EOGT: variants seen among roughly 807,000 people sequenced by gnomAD.
The protein encoded by EOGT is EGF domain-specific O-linked N-acetylglucosamine transferase.
EOGT carries 55 observed loss-of-function variants against 70.5 expected under a neutral mutation model. The ratio of observed to expected loss-of-function variants is 0.78; its 90% CI spans 0.63 to 0.98. EOGT has a LOEUF of 0.98. EOGT is among the 50% of genes least tolerant of loss of function. The pLI is 0.00. For synonymous variants in EOGT, 246 were observed against 217.1 expected, an observed-to-expected ratio of 1.13 and a Z score of -1.17; for missense variants, 703 against 641.9, an observed-to-expected ratio of 1.10 and a Z score of -1.03.
Position 69,004,494 on chromosome 3 carries a change from CA to C in EOGT, c.516-13del, listed in dbSNP as rs1319169956. The C allele has an allele frequency of 6.3e-7, 1 of 1,588,026 alleles. No homozygotes were observed. Among genetic ancestry groups the C allele is most frequent in the East Asian group, 2.2e-5 (1 of 44,720 alleles). ...AGTCCTCCTTAAATCTGGTATATAA[CA>C]AAACATTAAGTTAAGTTCAGAAAAC... On this transcript the variant is annotated splice_polypyrimidine_tract_variant and intron_variant, in intron 7 of 17. Transcript: ENST00000383701.
At chr3:68,987,133 A>G (rs2090834024) in intron 14 of EOGT, among the ~76,000 whole-genome samples, 1 of 152,250 alleles carries the variant, frequency 6.6e-6, no homozygotes, top group Admixed American at 6.5e-5. Context: ...TATGCAAAAG[A>G]AAGTCTTACA....
At chr3:68,992,745 C>T (rs1197046727) in intron 10 of EOGT, among the ~76,000 whole-genome samples, 2 of 152,328 alleles carry the variant, frequency 1.3e-5, no homozygotes, top group African/African-American at 2.4e-5. Context: ...ATGAGAGCCC[C>T]GCCCCTGCAG....
chr3:69,011,549 C>T (rs1263436865), intron 3 of EOGT, among the ~76,000 whole-genome samples: 1 of 148,170 alleles, frequency 6.7e-6, no homozygotes, highest in East Asian at 2.0e-4. Context: ...GAGTCGTGAT[C>T]TCGCCACTGC....
chr3:68,978,888 C>T (rs1008719883), intron 16 of EOGT, among the ~76,000 whole-genome samples: 98 of 152,174 alleles, frequency 6.4e-4, no homozygotes, highest in Non-Finnish European at 9.6e-4. Flanking sequence ...CCTTCCTTCT[C>T]TCTCTATAAG....
chr3:68,985,010 T>C (rs577531590), intron 14 of EOGT, among the ~76,000 whole-genome samples: 7 of 152,322 alleles, frequency 4.6e-5, no homozygotes, highest in African/African-American at 1.7e-4. Context: ...TTTTAACCAC[T>C]GAGCCTCAGT....
chr3:68,980,249 T>C (rs2090600658), intron 15 of EOGT, among the ~76,000 whole-genome samples: 1 of 152,226 alleles, frequency 6.6e-6, no homozygotes, highest in African/African-American at 2.4e-5. Context: ...TTAAAAACTA[T>C]TTCCTTAGGA....
chr3:68,983,858 G>A (rs1303101683), intron 14 of EOGT, among the ~76,000 whole-genome samples: 1 of 152,176 alleles, frequency 6.6e-6, no homozygotes, highest in Non-Finnish European at 1.5e-5. Context: ...AGCTACTCGG[G>A]AGGCTAAGAG....
chr3:68,978,496 A>G, intron 16 of EOGT, 61 bp from the exon 17 acceptor site: 1 of 1,170,214 alleles, frequency 8.5e-7, no homozygotes. Flanking sequence ...CAAATCAACA[A>G]CTCTGCGAAA....
chr3:68,993,012 C>T (rs1288283152), intron 10 of EOGT, among the ~76,000 whole-genome samples: 1 of 152,324 alleles, frequency 6.6e-6, no homozygotes, highest in South Asian at 2.1e-4. Flanking sequence ...GCTCAGCCCA[C>T]AAAACCACTT....
At chr3:68,983,968 AAG>A (rs2090727388) in intron 14 of EOGT, among the ~76,000 whole-genome samples, 2 of 152,350 alleles carry the variant, frequency 1.3e-5, no homozygotes, top group East Asian at 3.9e-4. Flanking sequence ...TGTCTAAAAA[AAG>A]AAAAAAACAT....
chr3:68,982,083 T>G (rs1161925425), intron 15 of EOGT, among the ~76,000 whole-genome samples: 2 of 152,086 alleles, frequency 1.3e-5, no homozygotes, highest in African/African-American at 2.4e-5. Flanking sequence ...ATTTTTTTTA[T>G]TTTTTAGTAG....
At chr3:68,981,836 T>C (rs2090651769) in intron 15 of EOGT, among the ~76,000 whole-genome samples, 1 of 152,012 alleles carries the variant, frequency 6.6e-6, no homozygotes, top group African/African-American at 2.4e-5. Flanking sequence ...GATAACTTTT[T>C]TGTTATCAAA....
rs4855543 is a variant in EOGT, at chr3:68,989,066, A to G, written c.832-49T>C. ...TTTTAGGGCAATAAAAGGATATAAC[A>G]TGACTTTTCAAAGATGCAACAAAAT... is the stretch of plus-strand genomic sequence containing the variant. On this transcript the variant is annotated intron_variant, in intron 10 of 17. Coordinates refer to ENST00000383701, the MANE Select transcript of EOGT (RefSeq NM_001278689.2). 491,866 of 1,073,152 alleles carry G rather than the reference A, an allele frequency of 0.46. 118,721 individuals carry two copies. The highest frequency in any genetic ancestry group is 0.5 in the Non-Finnish European group (373,199 of 752,162). The allele number at this position is 1,073,152 out of a possible 1,614,324, so 66.5% of individuals were successfully genotyped here.
chr3:68,997,344 G>C (rs1395566573), intron 10 of EOGT, among the ~76,000 whole-genome samples: 1 of 151,818 alleles, frequency 6.6e-6, no homozygotes, highest in Admixed American at 6.6e-5. Flanking sequence ...TTCCAACATA[G>C]GTTACAGAGG....
At chr3:68,997,445 T>C (rs991208173) in intron 10 of EOGT, among the ~76,000 whole-genome samples, 4 of 151,318 alleles carry the variant, frequency 2.6e-5, no homozygotes, top group Non-Finnish European at 5.9e-5. Flanking sequence ...CTCGGCTCAA[T>C]GCAACCTCCA....
intron 1 of EOGT, among the ~76,000 whole-genome samples, chr3:69,013,303 G>C (rs543461321): frequency 4.1e-4 from 63 of 151,850 alleles, no homozygotes; most frequent in South Asian, 1.2e-3. Flanking sequence ...CTGGAAACCT[G>C]GTCAACGCGG....
At chr3:69,003,589 G>A (rs1260787438) in intron 8 of EOGT, among the ~76,000 whole-genome samples, 1 of 152,074 alleles carries the variant, frequency 6.6e-6, no homozygotes, top group East Asian at 1.9e-4. Context: ...TCTTTCCTTT[G>A]TAAGTTAGTC....
Position 68,975,703 on chromosome 3 carries a change from C to A in EOGT, c.*1915G>T, listed in dbSNP as rs1480922100. 2.0e-5 allele frequency: 3 copies of A among 152,122 alleles called. No individual in the cohort carries two copies. The highest frequency in any genetic ancestry group is 7.2e-5 in the African/African-American group (3 of 41,416). The allele number at this position is 152,122 out of a possible 1,614,324, so 9.4% of individuals were successfully genotyped here. A position where few individuals can be genotyped will look rare whatever the true frequency, so the allele number is the denominator to read the frequency against. On this transcript the variant is annotated 3_prime_UTR_variant, in exon 18 of 18. Transcript: ENST00000383701. ...TAAAAATCCATAACATGTTGTAATTCTTCTTATGTGATTTTAAGGTCTGAA... is the reference window on the plus strand; with the variant it reads ...TAAAAATCCATAACATGTTGTAATTATTCTTATGTGATTTTAAGGTCTGAA...
At chr3:68,997,662 C>T (rs921151379) in intron 10 of EOGT, among the ~76,000 whole-genome samples, 2 of 152,192 alleles carry the variant, frequency 1.3e-5, no homozygotes, top group Non-Finnish European at 2.9e-5. Flanking sequence ...AGCCACCACG[C>T]CCTGCTGAAT....
Sources: allele counts gnomAD v4.1 joint callset (sites outside exome capture counted in the v4.1 genomes callset), GRCh38; gene constraint gnomAD v4.1.1; transcripts MANE v1.5; gene names NCBI Gene and HGNC (gene_info 2026-07-23, HGNC 2026-07-21).